CFL2: variants seen among roughly 807,000 people sequenced by gnomAD.
The protein encoded by CFL2 is cofilin 2, also known as cofilin-2.
Under a neutral mutation model 19.6 loss-of-function variants are expected in CFL2, and 10 were observed. The ratio of observed to expected loss-of-function variants is 0.51; its 90% CI spans 0.31 to 0.86. CFL2 has a LOEUF of 0.86. Among genes scored for constraint, CFL2 ranks in the 40% least tolerant of loss-of-function variants. The probability of loss-of-function intolerance (pLI) is 0.04; values close to 1 mark genes in which losing one functional copy is unlikely to be tolerated. For missense variants in CFL2, 125 were observed against 192.1 expected (o/e 0.65, Z 2.06); for synonymous variants, 63 against 66.7 (o/e 0.95, Z 0.27).
In CFL2 at chr14:34,712,621, G is replaced by C. The variant is rs1310322211; in HGVS notation, c.*244C>G. The stretch of plus-strand genomic sequence containing the variant: ...CTGCAAGGGAGGCATATAACCAGTT[G>C]TTTTGGCTAAAATATGACAGGAAGG... On this transcript the variant is annotated 3_prime_UTR_variant, in exon 4 of 4. Coordinates refer to ENST00000298159, the MANE Select transcript of CFL2 (RefSeq NM_138638.5). 2 of 629,292 alleles carry C rather than the reference G, an allele frequency of 3.2e-6. No individual in the cohort carries two copies. The highest frequency in any genetic ancestry group is 3.3e-5 in the East Asian group (1 of 30,316). The allele number at this position is 629,292 out of a possible 1,614,324, so 39.0% of individuals were successfully genotyped here. A position where few individuals can be genotyped will look rare whatever the true frequency, so the allele number is the denominator to read the frequency against.
chr14:34,713,352 A>C lies in CFL2; in HGVS notation c.213T>G (p.Phe71Leu). The C allele has an allele frequency of 1.2e-6, 2 of 1,614,116 alleles. No homozygotes were observed. The highest frequency in any genetic ancestry group is 1.7e-6 in the Non-Finnish European group (2 of 1,179,964). Residue 71 changes from phenylalanine (F) to leucine (L), a missense_variant, in exon 2 of 4, where the codon TTT (phenylalanine) becomes TTG (leucine). Transcript: ENST00000298159. ...GDTVEDPYTS[F>L]VKLLPLNDCR... ...AATCATTCAGAGGTAGCAACTTCAC[A>C]AAAGATGTGTAGGGGTCCTCTACAG...
At position 34,714,569 on chromosome 14, in the gene CFL2, G is replaced by T; in HGVS notation, c.-29C>A. 6.4e-7 allele frequency: 1 copy of T among 1,570,400 alleles called. No homozygotes were observed. On this transcript the variant is annotated 5_prime_UTR_variant, in exon 1 of 4. The change creates a new upstream start codon in the 5' untranslated region. Transcript: ENST00000298159. ...GCCCTCGGCTGTGGCTGCGGCGGCA[G>T]CTCGGGCTTCGGCTCTGTGGCACTG...
At chr14:34,713,213 C>G in intron 2 of CFL2, 41 bp downstream of exon 2, 1 of 1,479,108 alleles carries the variant, frequency 6.8e-7, no homozygotes, top group Non-Finnish European at 9.4e-7. Context: ...AATAATAATC[C>G]TTGCATTTTA....
Position 34,713,440 on chromosome 14 carries a change from T to C in CFL2, c.125A>G (p.Asp42Gly). ...CTCTACAATTATTTGTCTTTTGTCA[T>C]CGCTTAAACAGAAGAGAACTGCTTT... ...RKKAVLFCLS[D>G]DKRQIIVEEA... The change falls in exon 2 of 4, where the codon GAT becomes GGT. Residue 42 changes from aspartate to glycine, a missense_variant. Coordinates refer to ENST00000298159, the MANE Select transcript of CFL2 (RefSeq NM_138638.5). 2 of 1,614,160 alleles carry C rather than the reference T, an allele frequency of 1.2e-6. No individual in the cohort carries two copies. Among genetic ancestry groups the C allele is most frequent in the Non-Finnish European group, 1.7e-6 (2 of 1,179,994 alleles).
In CFL2 at chr14:34,711,325, G is replaced by A. The variant is rs549126569; in HGVS notation, c.*1540C>T. 1.1e-5 allele frequency: 5 copies of A among 454,332 alleles called. No homozygotes were observed. The highest frequency in any genetic ancestry group is 2.4e-5 in the Admixed American group (1 of 42,522). 28.1% of individuals were successfully genotyped at this position (454,332 alleles called of 1,614,324 possible). ...ATCAAGTCCAGTTTTGCCATTTGTGGATAACTATGACAAGATACAAAAGCA... is the reference window on the plus strand; with the variant it reads ...ATCAAGTCCAGTTTTGCCATTTGTGAATAACTATGACAAGATACAAAAGCA... On this transcript the variant is annotated 3_prime_UTR_variant, in exon 4 of 4. Coordinates refer to ENST00000298159, the MANE Select transcript of CFL2 (RefSeq NM_138638.5).
chr14:34,713,601 T>A, intron 1 of CFL2, 40 bp from the exon 2 acceptor site: 1 of 1,613,976 alleles, frequency 6.2e-7, no homozygotes, highest in South Asian at 1.1e-5. Flanking sequence ...AACACGTATT[T>A]TGGTTTTAAC....
intron 1 of CFL2, 137 bp downstream of exon 1, chr14:34,714,401 G>GAGAGCAGCGGAGCCGC: frequency 7.4e-7 from 1 of 1,353,828 alleles, no homozygotes; most frequent in Non-Finnish European, 9.7e-7. Flanking sequence ...CGGTCGGCTG[G>GAGAGCAGCGGAGCCGC]AGAGCAGCGG....
In CFL2 at chr14:34,712,892, T is replaced by A; in HGVS notation, c.474A>T (p.Val158=). ...TLGEKLGGNV[V]VSLEGKPL is the part of the protein sequence containing the mutation. ...ATAATGGTTTTCCTTCAAGTGAAAC[T>A]ACTACATTGCCTCCCAATTTCTCTC... is the stretch of plus-strand genomic sequence containing the variant. Residue 158 remains valine (V), a synonymous_variant, in exon 4 of 4, where the codon GTA becomes GTT. Coordinates refer to ENST00000298159, the MANE Select transcript of CFL2 (RefSeq NM_138638.5). The A allele has an allele frequency of 1.3e-6, 2 of 1,597,272 alleles. No individual in the cohort carries two copies. Among genetic ancestry groups the A allele is most frequent in the Non-Finnish European group, 1.7e-6 (2 of 1,164,688 alleles).
At chr14:34,713,593 C>A in intron 1 of CFL2, 32 bp from the exon 2 acceptor site, 1 of 1,613,884 alleles carries the variant, frequency 6.2e-7, no homozygotes, top group Non-Finnish European at 8.5e-7. Context: ...TAATTCAGAA[C>A]ACGTATTTTG....
chr14:34,714,027 G>T (rs1354484272), intron 1 of CFL2, among the ~76,000 whole-genome samples: 1 of 152,154 alleles, frequency 6.6e-6, no homozygotes, highest in Non-Finnish European at 1.5e-5. Flanking sequence ...ACCGCCCACG[G>T]CCCACACACA....
chr14:34,714,226 T>G, intron 1 of CFL2: 1 of 410,814 alleles, frequency 2.4e-6, no homozygotes, highest in Non-Finnish European at 4.3e-6. Context: ...TTAAGTAAAA[T>G]TAGGAAGCGA....
rs1885210485 is a variant in CFL2, at chr14:34,709,347, G to A, written c.*3518C>T. ...TTGCATTATGAGAGGAAATTTAAGT[G>A]GAGGGATGATTCCTCTACTTCTACA... is the stretch of plus-strand genomic sequence containing the variant. On this transcript the variant is annotated 3_prime_UTR_variant, in exon 4 of 4. Coordinates refer to ENST00000298159, the MANE Select transcript of CFL2 (RefSeq NM_138638.5). 6.6e-6 allele frequency: 1 copy of A among 152,032 alleles called. No homozygotes were observed. The highest frequency in any genetic ancestry group is 2.4e-5 in the African/African-American group (1 of 41,402). 9.4% of individuals were successfully genotyped at this position (152,032 alleles called of 1,614,324 possible).
Position 34,712,423 on chromosome 14 carries a change from A to T in CFL2, c.*442T>A. Reference sequence around the variant, plus strand: ...TAAAATAGGCTTGCCAAGGCAGGTGAGGTGTATGAATGCTCAAGCCTCACA... The same window carrying T: ...TAAAATAGGCTTGCCAAGGCAGGTGTGGTGTATGAATGCTCAAGCCTCACA... On this transcript the variant is annotated 3_prime_UTR_variant, in exon 4 of 4. Transcript: ENST00000298159. The T allele has an allele frequency of 2.2e-6, 1 of 455,350 alleles. No individual in the cohort carries two copies. The highest frequency in any genetic ancestry group is 1.6e-5 in the South Asian group (1 of 64,484). The allele number at this position is 455,350 out of a possible 1,614,324, so 28.2% of individuals were successfully genotyped here.
chr14:34,712,313 CTT>C lies in CFL2; in HGVS notation c.*550_*551del. 2.2e-6 allele frequency: 1 copy of C among 454,530 alleles called. No individual in the cohort carries two copies. Among genetic ancestry groups the C allele is most frequent in the Non-Finnish European group, 4.4e-6 (1 of 226,798 alleles). The allele number at this position is 454,530 out of a possible 1,614,324, so 28.2% of individuals were successfully genotyped here. On this transcript the variant is annotated 3_prime_UTR_variant, in exon 4 of 4. Transcript: ENST00000298159. ...TAAGTTGATGACACAGTTAACAAAA[CTT>C]AATTGGCATTCCTTTTAGGATATTA...
In CFL2 at chr14:34,710,354, AAT is replaced by A. The variant is rs745500373; in HGVS notation, c.*2509_*2510del. 3.8e-5 allele frequency: 9 copies of A among 236,828 alleles called. No homozygotes were observed. The highest frequency in any genetic ancestry group is 1.9e-4 in the African/African-American group (8 of 42,714). The allele number at this position is 236,828 out of a possible 1,614,324, so 14.7% of individuals were successfully genotyped here. A position where few individuals can be genotyped will look rare whatever the true frequency, so the allele number is the denominator to read the frequency against. ...TACCAACTAAAATCCTGAAAAACAG[AAT>A]AAAGATAATGATGCCTCTTTGATCT... On this transcript the variant is annotated 3_prime_UTR_variant, in exon 4 of 4. Coordinates refer to ENST00000298159, the MANE Select transcript of CFL2 (RefSeq NM_138638.5).
chr14:34,714,301 C>T (rs1885420139), intron 1 of CFL2: 6 of 568,052 alleles, frequency 1.1e-5, no homozygotes, highest in African/African-American at 2.0e-5. Flanking sequence ...CGCCCGGCCC[C>T]GACCCCCAAC....
Position 34,712,761 on chromosome 14 carries a change from G to GA in CFL2, c.*103dup, listed in dbSNP as rs1885348438. 1.3e-6 allele frequency: 1 copy of GA among 756,846 alleles called. No homozygotes were observed. The highest frequency in any genetic ancestry group is 1.7e-5 in the African/African-American group (1 of 58,368). The allele number at this position is 756,846 out of a possible 1,614,324, so 46.9% of individuals were successfully genotyped here. On this transcript the variant is annotated 3_prime_UTR_variant, in exon 4 of 4. Coordinates refer to ENST00000298159, the MANE Select transcript of CFL2 (RefSeq NM_138638.5). ...TTCATTGTGTTGGAAGGGCCCAGTG[G>GA]AAAGGGGGAAATACAACAAAAAACC...
In CFL2 at chr14:34,711,309, A is replaced by G. The variant is rs1255392729; in HGVS notation, c.*1556T>C. 2.2e-6 allele frequency: 1 copy of G among 454,418 alleles called. No individual in the cohort carries two copies. The highest frequency in any genetic ancestry group is 4.4e-6 in the Non-Finnish European group (1 of 226,812). The allele number at this position is 454,418 out of a possible 1,614,324, so 28.1% of individuals were successfully genotyped here. The stretch of plus-strand genomic sequence containing the variant: ...TTTGCATACCAGTAGAATCAAGTCC[A>G]GTTTTGCCATTTGTGGATAACTATG... On this transcript the variant is annotated 3_prime_UTR_variant, in exon 4 of 4. Coordinates refer to ENST00000298159, the MANE Select transcript of CFL2 (RefSeq NM_138638.5).
chr14:34,714,045 T>C (rs1048099586), intron 1 of CFL2, among the ~76,000 whole-genome samples: 10 of 152,204 alleles, frequency 6.6e-5, no homozygotes, highest in Admixed American at 1.3e-4. Context: ...ACAGCTCACA[T>C]GCAGACACTC....
Sources: gnomAD v4.1 joint callset for allele counts (sites outside exome capture counted in the v4.1 genomes callset) on GRCh38, gnomAD v4.1.1 for gene constraint, MANE v1.5 for transcripts, NCBI Gene and HGNC (gene_info 2026-07-23, HGNC 2026-07-21) for gene names.